The following ATP10A variants were observed in gnomAD, a reference collection of about 807,000 sequenced individuals.
The protein encoded by ATP10A is ATPase phospholipid transporting 10A (putative), also known as phospholipid-transporting ATPase VA.
ATP10A carries 111 observed loss-of-function variants against 147.8 expected under a neutral mutation model. The observed-to-expected ratio is 0.75, with a 90% CI of 0.64 to 0.88. ATP10A has a LOEUF of 0.88. Ranked by LOEUF, ATP10A falls within the 40% of genes least tolerant of loss-of-function variation. The pLI, the probability that ATP10A is intolerant of heterozygous loss-of-function variation, is 0.00. For synonymous variants in ATP10A, 875 were observed against 841.6 expected (o/e 1.04, Z -0.69); for missense variants, 1,927 against 1,959.0 (o/e 0.98, Z 0.31).
At chr15:25,702,179 C>A in intron 12 of ATP10A, 79 bp from the exon 13 acceptor site, 1 of 1,411,926 alleles carries the variant, frequency 7.1e-7, no homozygotes, top group Non-Finnish European at 9.7e-7. Flanking sequence ...ATGTCATGCA[C>A]CAGATACACC....
At chr15:25,812,601 GA>G (rs1161797870) in intron 1 of ATP10A, among the ~76,000 whole-genome samples, 1 of 152,000 alleles carries the variant, frequency 6.6e-6, no homozygotes. Context: ...AAACACAAAG[GA>G]AAAAATACTC....
chr15:25,703,562 G>A (rs999133353), intron 12 of ATP10A, among the ~76,000 whole-genome samples: 11 of 152,210 alleles, frequency 7.2e-5, no homozygotes, highest in African/African-American at 2.7e-4. Context: ...CTGTGGTATT[G>A]TGTGACAGCA....
chr15:25,700,292 T>C (rs2140339146), intron 13 of ATP10A, among the ~76,000 whole-genome samples: 1 of 152,376 alleles, frequency 6.6e-6, no homozygotes, highest in African/African-American at 2.4e-5. Flanking sequence ...AGCAGGCTGG[T>C]GTCTGGCAGC....
At chr15:25,845,281 A>G (rs1892966370) in intron 1 of ATP10A, among the ~76,000 whole-genome samples, 1 of 152,050 alleles carries the variant, frequency 6.6e-6, no homozygotes, top group African/African-American at 2.4e-5. Context: ...GACCAAGTGA[A>G]GCCTTCAAAA....
intron 2 of ATP10A, among the ~76,000 whole-genome samples, chr15:25,738,781 T>C (rs1887425015): frequency 6.6e-6 from 1 of 152,168 alleles, no homozygotes; most frequent in Non-Finnish European, 1.5e-5. Flanking sequence ...ATTACAAGTT[T>C]GGGGAGGCTT....
At chr15:25,814,708 T>G (rs1179090359) in intron 1 of ATP10A, among the ~76,000 whole-genome samples, 1 of 152,228 alleles carries the variant, frequency 6.6e-6, no homozygotes, top group Non-Finnish European at 1.5e-5. Flanking sequence ...TGAATAAGCC[T>G]TCTTTAAGTT....
chr15:25,863,209 G>A lies in ATP10A; in HGVS notation c.-113C>T. On this transcript the variant is annotated 5_prime_UTR_variant, in exon 1 of 21. Coordinates refer to ENST00000555815, the MANE Select transcript of ATP10A (RefSeq NM_024490.4). The stretch of plus-strand genomic sequence containing the variant: ...GGCGGTGCGAGCTCCCCGCCTGCGG[G>A]ACGCACGGAGACCGCGGTCAGCGCG... 1.4e-6 allele frequency: 1 copy of A among 717,634 alleles called. No individual in the cohort carries two copies. 44.5% of individuals were successfully genotyped at this position (717,634 alleles called of 1,614,324 possible). A position where few individuals can be genotyped will look rare whatever the true frequency, so the allele number is the denominator to read the frequency against.
At chr15:25,703,464 C>G (rs1035930000) in intron 12 of ATP10A, among the ~76,000 whole-genome samples, 1 of 152,214 alleles carries the variant, frequency 6.6e-6, no homozygotes, top group African/African-American at 2.4e-5. Flanking sequence ...GATCCCACAC[C>G]AGACATTGTG....
At chr15:25,725,511 T>C (rs1319281738) in intron 5 of ATP10A, among the ~76,000 whole-genome samples, 1 of 152,204 alleles carries the variant, frequency 6.6e-6, no homozygotes, top group Non-Finnish European at 1.5e-5. Flanking sequence ...CCATGTGGCC[T>C]GTGCTGATGC....
chr15:25,704,314 G>A (rs138121051), intron 12 of ATP10A, among the ~76,000 whole-genome samples: 3 of 152,310 alleles, frequency 2.0e-5, no homozygotes, highest in Middle Eastern at 3.4e-3. Flanking sequence ...AATTTGCCAG[G>A]ATAACGCTTC....
chr15:25,862,732 G>T lies in ATP10A; in HGVS notation c.365C>A (p.Thr122Lys), dbSNP rs1206971141. Residue 122 changes from threonine (T) to lysine (K), a missense_variant, in exon 1 of 21, where the codon ACG becomes AAG. Coordinates refer to ENST00000555815, the MANE Select transcript of ATP10A (RefSeq NM_024490.4). ...LAPVLFILAI[T>K]AFRDLWEDYS... is the part of the protein sequence containing the mutation. Reference sequence around the variant, plus strand: ...GTCCTCCCACAGGTCCCTGAAGGCCGTGATGGCCAGGATGAAGAGCACCGG... The same window carrying T: ...GTCCTCCCACAGGTCCCTGAAGGCCTTGATGGCCAGGATGAAGAGCACCGG... 6.2e-7 allele frequency: 1 copy of T among 1,611,972 alleles called. No individual in the cohort carries two copies. Among genetic ancestry groups the T allele is most frequent in the African/African-American group, 1.3e-5 (1 of 74,896 alleles).
At chr15:25,849,796 T>C (rs530872496) in intron 1 of ATP10A, among the ~76,000 whole-genome samples, 4 of 151,938 alleles carry the variant, frequency 2.6e-5, no homozygotes, top group African/African-American at 9.7e-5. Flanking sequence ...CAGATTTCTA[T>C]GGAATGAATC....
chr15:25,837,203 T>C (rs1211557288), intron 1 of ATP10A, among the ~76,000 whole-genome samples: 1 of 152,216 alleles, frequency 6.6e-6, no homozygotes, highest in African/African-American at 2.4e-5. Flanking sequence ...GAGGCTTATT[T>C]TTCCTACCTG....
chr15:25,805,697 G>C (rs1272616763), intron 1 of ATP10A, among the ~76,000 whole-genome samples: 1 of 152,098 alleles, frequency 6.6e-6, no homozygotes, highest in Non-Finnish European at 1.5e-5. Context: ...AAACACAAAG[G>C]CTGTGCTATT....
intron 15 of ATP10A, among the ~76,000 whole-genome samples, chr15:25,690,741 T>C (rs1899981435): frequency 6.6e-6 from 1 of 152,222 alleles, no homozygotes; most frequent in Admixed American, 6.5e-5. Flanking sequence ...AGCTTCCCCT[T>C]GTGCAAGGTG....
At chr15:25,742,672 C>A (rs1360870475) in intron 2 of ATP10A, among the ~76,000 whole-genome samples, 1 of 152,212 alleles carries the variant, frequency 6.6e-6, no homozygotes, top group Non-Finnish European at 1.5e-5. Context: ...GTCAGCAAAG[C>A]CTTGCTTTCT....
chr15:25,679,701 C>G lies in ATP10A; in HGVS notation c.4140G>C (p.Arg1380Ser). ...TCAGCCCCTCCAGCAGGGTGTGCTCCCTCACTGGCATGCTCATGTCCACTG... is the reference window on the plus strand; with the variant it reads ...TCAGCCCCTCCAGCAGGGTGTGCTCGCTCACTGGCATGCTCATGTCCACTG... ...PSTVDMSMPV[R>S]EHTLLEGLSA... The change falls in exon 21 of 21, where the codon AGG becomes AGC. Residue 1380 changes from arginine (R) to serine (S), a missense_variant. By Grantham distance (110) the Arg-to-Ser change is moderately radical (BLOSUM62 -1). Transcript: ENST00000555815. 6.2e-7 allele frequency: 1 copy of G among 1,613,292 alleles called. No individual in the cohort carries two copies. Among genetic ancestry groups the G allele is most frequent in the South Asian group, 1.1e-5 (1 of 91,076 alleles).
In ATP10A at chr15:25,680,870, AG is replaced by A. The variant is rs778157819; in HGVS notation, c.3617del (p.Pro1206LeufsTer3). On this transcript the variant is annotated frameshift_variant, in exon 19 of 21. Coordinates refer to ENST00000555815, the MANE Select transcript of ATP10A (RefSeq NM_024490.4). LOFTEE classifies it high-confidence loss of function. ...SNVDLFTWGT[P>X]IVTIALLTFL... ...AAGTGAGCAGCGCGATTGTCACAAT[AG>A]GGGTCCCCCAGGTAAACAGGTCCAC... is the stretch of plus-strand genomic sequence containing the variant. 6.2e-7 allele frequency: 1 copy of A among 1,614,140 alleles called. No homozygotes were observed. The highest frequency in any genetic ancestry group is 8.5e-7 in the Non-Finnish European group (1 of 1,180,032).
At chr15:25,766,583 AC>A (rs1437211958) in intron 2 of ATP10A, among the ~76,000 whole-genome samples, 1 of 151,048 alleles carries the variant, frequency 6.6e-6, no homozygotes, top group Non-Finnish European at 1.5e-5. Context: ...AGGAAGCTCC[AC>A]CAGCCTCTAT....
Sources: gnomAD v4.1 joint callset for allele counts (sites outside exome capture counted in the v4.1 genomes callset) on GRCh38, gnomAD v4.1.1 for gene constraint, MANE v1.5 for transcripts, NCBI Gene and HGNC (gene_info 2026-07-23, HGNC 2026-07-21) for gene names.